The following EIF4G3 variants were observed in gnomAD, a reference collection of about 807,000 sequenced individuals.
The protein encoded by EIF4G3 is eIF-4-gamma 3.
A neutral mutation model predicts 186.4 loss-of-function variants in EIF4G3; 34 were observed. The ratio of observed to expected loss-of-function variants is 0.18; its 90% CI spans 0.14 to 0.24. The LOEUF (loss-of-function observed/expected upper bound fraction) is 0.24, where lower values mean the gene tolerates loss of function less well. Among genes scored for constraint, EIF4G3 ranks in the 10% least tolerant of loss-of-function variants. The probability of loss-of-function intolerance (pLI) is 1.00; values close to 1 mark genes in which losing one functional copy is unlikely to be tolerated. For synonymous variants in EIF4G3, 673 were observed against 679.5 expected (o/e 0.99, Z 0.15); for missense variants, 1,536 against 1,948.5 (o/e 0.79, Z 3.99).
chr1:20,891,176 G>C (rs1048883980), intron 18 of EIF4G3, among the ~76,000 whole-genome samples: 2 of 152,274 alleles, frequency 1.3e-5, no homozygotes, highest in African/African-American at 4.8e-5. Flanking sequence ...ATTTAAAAGA[G>C]ACATTGCTTA....
At chr1:21,049,253 G>A (rs1465106022) in intron 4 of EIF4G3, among the ~76,000 whole-genome samples, 1 of 152,170 alleles carries the variant, frequency 6.6e-6, no homozygotes, top group Non-Finnish European at 1.5e-5. Flanking sequence ...CACCACAGTG[G>A]CTCTTCTACC....
At chr1:20,975,224 C>T (rs1209657307) in intron 10 of EIF4G3, among the ~76,000 whole-genome samples, 2 of 152,056 alleles carry the variant, frequency 1.3e-5, no homozygotes, top group African/African-American at 4.8e-5. Flanking sequence ...CAATTATGTG[C>T]TACTTTATTA....
chr1:20,937,820 A>G (rs1253138334), intron 14 of EIF4G3, among the ~76,000 whole-genome samples: 1 of 152,196 alleles, frequency 6.6e-6, no homozygotes, highest in South Asian at 2.1e-4. Context: ...AACAATAAAA[A>G]TTCCCAAGAC....
chr1:20,925,778 C>CACCTCAGCCTTGCAAAGTGCTGGGATTAT (rs1450965175), intron 14 of EIF4G3, among the ~76,000 whole-genome samples: 2 of 152,218 alleles, frequency 1.3e-5, no homozygotes, highest in Non-Finnish European at 2.9e-5. Flanking sequence ...GTGATCTTCT[C>CACCTCAGCCTTGCAAAGTGCTGGGATTAT]ACCTCAGCCT....
At chr1:21,034,940 G>A (rs979090219) in intron 4 of EIF4G3, among the ~76,000 whole-genome samples, 2 of 152,100 alleles carry the variant, frequency 1.3e-5, no homozygotes, top group Non-Finnish European at 2.9e-5. Flanking sequence ...GGGGAGCCCT[G>A]GGGCTGCAGG....
At chr1:21,095,796 C>CA (rs1240831652) in intron 2 of EIF4G3, among the ~76,000 whole-genome samples, 99 of 144,816 alleles carry the variant, frequency 6.8e-4, no homozygotes, top group South Asian at 2.8e-3. Flanking sequence ...AACATACAAA[C>CA]AAAAAAAAAA....
At chr1:20,868,376 G>A (rs996654706) in intron 20 of EIF4G3, among the ~76,000 whole-genome samples, 4 of 152,134 alleles carry the variant, frequency 2.6e-5, no homozygotes, top group South Asian at 2.1e-4. Context: ...TTCCTGGCTC[G>A]TAAATGGCTG....
At chr1:21,028,128 G>T (rs939232336) in intron 4 of EIF4G3, among the ~76,000 whole-genome samples, 10 of 152,204 alleles carry the variant, frequency 6.6e-5, no homozygotes, top group African/African-American at 2.4e-4. Context: ...AGGGTGCAAA[G>T]GGAGGGGTCA....
At chr1:20,863,633 G>T (rs1430363607) in intron 22 of EIF4G3, among the ~76,000 whole-genome samples, 2 of 151,596 alleles carry the variant, frequency 1.3e-5, no homozygotes, top group Middle Eastern at 3.4e-3. Flanking sequence ...TAGTAGAGAC[G>T]GGATTTCTCC....
intron 2 of EIF4G3, among the ~76,000 whole-genome samples, chr1:21,141,805 C>T (rs2097344801): frequency 6.6e-6 from 1 of 151,920 alleles, no homozygotes; most frequent in African/African-American, 2.4e-5. Flanking sequence ...GTAGTGTGGG[C>T]CTGTAGTCCC....
At chr1:21,063,989 A>G (rs1359295150) in intron 3 of EIF4G3, among the ~76,000 whole-genome samples, 1 of 151,686 alleles carries the variant, frequency 6.6e-6, no homozygotes, top group Non-Finnish European at 1.5e-5. Flanking sequence ...CAGCCTCCCA[A>G]AGTGCTGGGA....
At chr1:21,090,812 T>C (rs1196362890) in intron 2 of EIF4G3, among the ~76,000 whole-genome samples, 2 of 152,200 alleles carry the variant, frequency 1.3e-5, no homozygotes, top group East Asian at 3.8e-4. Flanking sequence ...CATTTCCTCA[T>C]TGAAAGGAAG....
chr1:21,116,592 C>A (rs1041198449), intron 2 of EIF4G3, among the ~76,000 whole-genome samples: 1 of 152,020 alleles, frequency 6.6e-6, no homozygotes, highest in Non-Finnish European at 1.5e-5. Context: ...AATCCCAGCA[C>A]TTTGGGAGGC....
intron 14 of EIF4G3, among the ~76,000 whole-genome samples, chr1:20,906,809 G>GAC: frequency 8.9e-6 from 1 of 112,818 alleles, no homozygotes; most frequent in Admixed American, 9.9e-5. Flanking sequence ...AAAAAAACTG[G>GAC]ATACACACAC....
intron 7 of EIF4G3, among the ~76,000 whole-genome samples, chr1:20,990,414 C>G (rs2080825197): frequency 6.6e-6 from 1 of 152,154 alleles, no homozygotes; most frequent in African/African-American, 2.4e-5. Flanking sequence ...GTGGCACACA[C>G]CTGTAATCCC....
intron 2 of EIF4G3, among the ~76,000 whole-genome samples, chr1:21,103,084 T>C (rs1362218590): frequency 6.6e-6 from 1 of 152,224 alleles, no homozygotes; most frequent in East Asian, 1.9e-4. Context: ...GATCTCCTCA[T>C]AGTACAATGT....
intron 2 of EIF4G3, among the ~76,000 whole-genome samples, chr1:21,097,929 C>T (rs549660955): frequency 6.6e-6 from 1 of 151,832 alleles, no homozygotes; most frequent in East Asian, 1.9e-4. Context: ...ACATCAAAAG[C>T]ATGATGTATT....
intron 10 of EIF4G3, among the ~76,000 whole-genome samples, chr1:20,979,414 C>T (rs1466940025): frequency 6.6e-6 from 1 of 152,172 alleles, no homozygotes; most frequent in East Asian, 1.9e-4. Context: ...GCCTGCCAGT[C>T]ACTGTTCTAG....
intron 34 of EIF4G3, among the ~76,000 whole-genome samples, chr1:20,815,622 C>A (rs1234192424): frequency 1.3e-5 from 2 of 151,310 alleles, no homozygotes; most frequent in Non-Finnish European, 3.0e-5. Flanking sequence ...CCTCTCCGCC[C>A]GGCAGCCACC....
Sources: gnomAD v4.1 joint callset for allele counts (sites outside exome capture counted in the v4.1 genomes callset) on GRCh38, gnomAD v4.1.1 for gene constraint, MANE v1.5 for transcripts, NCBI Gene and HGNC (gene_info 2026-07-23, HGNC 2026-07-21) for gene names.